Variants in ITPR2 observed in about 807,000 individuals in gnomAD.
ITPR2 encodes inositol 1,4,5-trisphosphate-gated calcium channel ITPR2.
In ITPR2, 207 loss-of-function variants were observed where a neutral mutation model predicts 317.1. The observed-to-expected ratio is 0.65, with a 90% confidence interval of 0.58 to 0.73. The LOEUF is 0.73. Ranked by LOEUF, ITPR2 falls within the 30% of genes least tolerant of loss-of-function variation. ITPR2 has a pLI of 0.00. For missense variants in ITPR2, 2,613 were observed against 3,284.0 expected, an observed-to-expected ratio of 0.80 and a Z score of 4.99; for synonymous variants, 1,156 against 1,149.1, an observed-to-expected ratio of 1.01 and a Z score of -0.12.
intron 1 of ITPR2, among the ~76,000 whole-genome samples, chr12:26,813,822 C>T (rs1950799591): frequency 6.6e-6 from 1 of 152,128 alleles, no homozygotes; most frequent in Non-Finnish European, 1.5e-5. Flanking sequence ...AGTATAAATA[C>T]CAAAATCATT....
At chr12:26,787,016 C>CAA (rs56123155) in intron 2 of ITPR2, among the ~76,000 whole-genome samples, 2 of 147,294 alleles carry the variant, frequency 1.4e-5, no homozygotes, top group African/African-American at 2.5e-5. Flanking sequence ...CTTTTAAAGC[C>CAA]AAAAAAAAAT....
intron 9 of ITPR2, among the ~76,000 whole-genome samples, chr12:26,699,839 GA>G (rs1172989268): frequency 6.6e-6 from 1 of 151,900 alleles, no homozygotes; most frequent in Non-Finnish European, 1.5e-5. Context: ...AAAATGAATA[GA>G]AAAAAATTAT....
At chr12:26,466,988 A>G (rs1942184360) in intron 45 of ITPR2, among the ~76,000 whole-genome samples, 1 of 152,224 alleles carries the variant, frequency 6.6e-6, no homozygotes, top group African/African-American at 2.4e-5. Flanking sequence ...ATTACAAACC[A>G]TCCTTCTGCA....
At chr12:26,508,260 A>G (rs1943242398) in intron 37 of ITPR2, among the ~76,000 whole-genome samples, 1 of 152,190 alleles carries the variant, frequency 6.6e-6, no homozygotes, top group African/African-American at 2.4e-5. Flanking sequence ...ATGATTGATG[A>G]ACTATATTGA....
At chr12:26,600,757 T>C (rs1945980939) in intron 28 of ITPR2, among the ~76,000 whole-genome samples, 1 of 152,058 alleles carries the variant, frequency 6.6e-6, no homozygotes, top group African/African-American at 2.4e-5. Flanking sequence ...TCTCCTGCTC[T>C]GCTCTCACTC....
In ITPR2 at chr12:26,438,552, C is replaced by T. The variant is rs186606189; in HGVS notation, c.6643+575G>A. The stretch of plus-strand genomic sequence containing the variant: ...TTAAAAGTCAGTGTTTCCTAATAGA[C>T]GTGGGACCTAAGAGATAGGTCATGG... On this transcript the variant is annotated intron_variant, in intron 47 of 56. Coordinates refer to ENST00000381340, the MANE Select transcript of ITPR2 (RefSeq NM_002223.4). Among the ~76,000 whole-genome samples, 424 of 152,156 alleles carry T rather than the reference C, an allele frequency of 2.8e-3. 1 individual carries two copies. The highest frequency in any genetic ancestry group is 9.6e-3 in the African/African-American group (398 of 41,512).
chr12:26,670,121 G>A (rs969792817), intron 13 of ITPR2, among the ~76,000 whole-genome samples: 5 of 152,236 alleles, frequency 3.3e-5, no homozygotes, highest in African/African-American at 4.8e-5. Flanking sequence ...TGGGGGCAGG[G>A]CACAGACAAA....
intron 15 of ITPR2, among the ~76,000 whole-genome samples, chr12:26,659,551 T>C (rs1016419096): frequency 1.1e-4 from 17 of 152,376 alleles, no homozygotes; most frequent in African/African-American, 4.1e-4. Context: ...AATACCTATT[T>C]CCAAAGTGGG....
At chr12:26,431,001 A>T (rs890415423) in intron 48 of ITPR2, among the ~76,000 whole-genome samples, 6 of 152,256 alleles carry the variant, frequency 3.9e-5, no homozygotes, top group African/African-American at 1.4e-4. Flanking sequence ...TGCCTTATTC[A>T]TTTCTTGGTC....
intron 35 of ITPR2, 37 bp from the exon 36 acceptor site, chr12:26,556,412 G>A (rs770884726): frequency 8.8e-6 from 14 of 1,585,208 alleles, no homozygotes; most frequent in Middle Eastern, 1.7e-4. Context: ...ACATGAAGGC[G>A]TAAGTCAGAT....
intron 39 of ITPR2, among the ~76,000 whole-genome samples, chr12:26,489,080 A>C (rs1942737482): frequency 1.3e-5 from 2 of 152,234 alleles, no homozygotes; most frequent in South Asian, 4.1e-4. Flanking sequence ...ACCTTTTAAG[A>C]ACGAGGTATC....
chr12:26,439,811 G>C (rs147128501), intron 46 of ITPR2, among the ~76,000 whole-genome samples: 2 of 152,082 alleles, frequency 1.3e-5, no homozygotes, highest in African/African-American at 2.4e-5. Context: ...TCATTAAAAT[G>C]TTCTCTTATT....
chr12:26,589,469 TA>T (rs1179967506), intron 32 of ITPR2, among the ~76,000 whole-genome samples: 2 of 151,918 alleles, frequency 1.3e-5, no homozygotes, highest in Admixed American at 1.3e-4. Flanking sequence ...TCATTACTAT[TA>T]GTAATTTCAT....
chr12:26,817,985 C>T (rs1257482921), intron 1 of ITPR2, among the ~76,000 whole-genome samples: 1 of 152,144 alleles, frequency 6.6e-6, no homozygotes, highest in Non-Finnish European at 1.5e-5. Context: ...TACCCACAAA[C>T]TCAATTACTT....
At chr12:26,666,228 A>C (rs1446840281) in intron 13 of ITPR2, among the ~76,000 whole-genome samples, 177 bp from the exon 14 acceptor site, 1 of 152,078 alleles carries the variant, frequency 6.6e-6, no homozygotes, top group Non-Finnish European at 1.5e-5. Context: ...ATTAAATAAT[A>C]AGAACTGAAA....
chr12:26,570,258 C>T (rs964433280), intron 34 of ITPR2, among the ~76,000 whole-genome samples: 10 of 151,962 alleles, frequency 6.6e-5, no homozygotes, highest in African/African-American at 2.4e-4. Context: ...ATTGCATTTC[C>T]CCCAAAATTA....
intron 9 of ITPR2, among the ~76,000 whole-genome samples, chr12:26,699,116 T>C (rs1217739960): frequency 6.6e-6 from 1 of 151,862 alleles, no homozygotes; most frequent in Non-Finnish European, 1.5e-5. Context: ...TCAATACACA[T>C]TAGAATGGTT....
intron 46 of ITPR2, among the ~76,000 whole-genome samples, chr12:26,442,150 A>G (rs926905180): frequency 6.6e-6 from 1 of 151,910 alleles, no homozygotes; most frequent in Admixed American, 6.6e-5. Context: ...ATGTTTTTTA[A>G]TACCTTCCCT....
Position 26,340,306 on chromosome 12 carries a change from G to T in ITPR2, c.7880C>A (p.Pro2627His). 1 of 1,602,698 alleles carries T rather than the reference G, an allele frequency of 6.2e-7. No individual in the cohort carries two copies. The highest frequency in any genetic ancestry group is 8.5e-7 in the Non-Finnish European group (1 of 1,174,868). ...AACGAGGGACATGGCTCGCATCCGA[G>T]GAAACCAATCCAAATTCTTCTCCTG... is the stretch of plus-strand genomic sequence containing the variant. Reference protein sequence around the residue: ...MIVEKNLDWFPRMRAMSLVSN... With the variant: ...MIVEKNLDWFHRMRAMSLVSN... Residue 2627 changes from proline to histidine, a missense_variant, in exon 56 of 57, where the codon CCT (proline) becomes CAT (histidine). Pro to His is a moderately conservative substitution (Grantham distance 77, BLOSUM62 -2). Coordinates refer to ENST00000381340, the MANE Select transcript of ITPR2 (RefSeq NM_002223.4).
Sources: gnomAD v4.1 joint callset for allele counts (sites outside exome capture counted in the v4.1 genomes callset) on GRCh38, gnomAD v4.1.1 for gene constraint, MANE v1.5 for transcripts, NCBI Gene and HGNC (gene_info 2026-07-23, HGNC 2026-07-21) for gene names.